The following MADD variants were observed in gnomAD, a reference collection of about 807,000 sequenced individuals.
The protein encoded by MADD is MAP kinase-activating death domain protein.
A neutral mutation model predicts 176.7 loss-of-function variants in MADD; 109 were observed. The ratio of observed to expected loss-of-function variants is 0.62; its 90% CI spans 0.53 to 0.72. The LOEUF is 0.72. Ranked by LOEUF, MADD falls within the 30% of genes least tolerant of loss-of-function variation. The probability of loss-of-function intolerance (pLI) is 0.00; values close to 1 mark genes in which losing one functional copy is unlikely to be tolerated. For synonymous variants in MADD, 771 were observed against 771.3 expected, an observed-to-expected ratio of 1.00 and a Z score of 0.01; for missense variants, 1,914 against 2,045.5, an observed-to-expected ratio of 0.94 and a Z score of 1.24.
At chr11:47,323,693 T>C (rs1244216367) in exon 28 of MADD, 2 of 1,613,584 alleles carry the variant, frequency 1.2e-6, no homozygotes, top group South Asian at 1.1e-5. Context: ...TGTGTGGTGT[T>C]GCGTAGTAAC....
intron 13 of MADD, 115 bp downstream of exon 13, chr11:47,285,309 A>AT: frequency 2.6e-6 from 4 of 1,552,198 alleles, no homozygotes; most frequent in Non-Finnish European, 3.5e-6. Context: ...TGGTCCTGCC[A>AT]TCCCCAGAGG....
intron 7 of MADD, among the ~76,000 whole-genome samples, chr11:47,279,378 AGTCT>A (rs2053978896): frequency 1.5e-5 from 2 of 135,528 alleles, no homozygotes; most frequent in Admixed American, 1.5e-4. Context: ...ACATTTTCTC[AGTCT>A]TTTTTTTTTT....
At chr11:47,283,021 T>C in intron 10 of MADD, 52 bp downstream of exon 10, 1 of 1,573,934 alleles carries the variant, frequency 6.4e-7, no homozygotes, top group African/African-American at 1.3e-5. Flanking sequence ...AGGCTCTCAC[T>C]AGCCCTTCTT....
intron 26 of MADD, among the ~76,000 whole-genome samples, chr11:47,312,589 C>T (rs1330914740): frequency 6.6e-6 from 1 of 152,186 alleles, no homozygotes; most frequent in Non-Finnish European, 1.5e-5. Context: ...GCATGCACCA[C>T]CACGCCCAGC....
Position 47,328,639 on chromosome 11 carries a change from C to G in MADD, c.4613-19C>G, listed in dbSNP as rs992905007. On this transcript the variant is annotated intron_variant, in intron 31 of 32. Transcript: ENST00000402192. ...TAGTGTTGAACTTTCTGTTTTGTCT[C>G]TTGCCCGTCCGGTTTTAGTTCCTGA... 2 of 1,614,216 alleles carry G rather than the reference C, an allele frequency of 1.2e-6. No homozygotes were observed. The highest frequency in any genetic ancestry group is 2.7e-5 in the African/African-American group (2 of 75,064).
chr11:47,303,479 C>G (rs1040771161), intron 22 of MADD, among the ~76,000 whole-genome samples: 1 of 152,090 alleles, frequency 6.6e-6, no homozygotes, highest in African/African-American at 2.4e-5. Context: ...ACCTCGTGAT[C>G]TGCCTGCCTC....
chr11:47,300,455 CCG>C (rs1491290505), intron 22 of MADD, among the ~76,000 whole-genome samples: 33 of 128,848 alleles, frequency 2.6e-4, no homozygotes, highest in East Asian at 2.2e-3. Flanking sequence ...GATCTACCCC[CCG>C]CCCGCCCCAA....
intron 30 of MADD, among the ~76,000 whole-genome samples, 200 bp from the exon 34 acceptor site, chr11:47,326,344 C>T (rs2095457944): frequency 6.6e-6 from 1 of 152,226 alleles, no homozygotes; most frequent in African/African-American, 2.4e-5. Flanking sequence ...CGTGCCAGCC[C>T]TCTGCGCCGG....
intron 22 of MADD, among the ~76,000 whole-genome samples, chr11:47,303,647 C>A (rs2079948940): frequency 1.3e-5 from 2 of 150,292 alleles, no homozygotes; most frequent in South Asian, 2.1e-4. Context: ...ACTCTGTCAC[C>A]CAGGCTGGAG....
At chr11:47,310,847 C>A (rs1202314273) in intron 25 of MADD, among the ~76,000 whole-genome samples, 2 of 146,592 alleles carry the variant, frequency 1.4e-5, no homozygotes, top group Non-Finnish European at 3.0e-5. Flanking sequence ...AAGGAGGTTG[C>A]AGTGAGCCGA....
At chr11:47,300,357 C>T (rs1157135917) in intron 22 of MADD, among the ~76,000 whole-genome samples, 7 of 151,800 alleles carry the variant, frequency 4.6e-5, no homozygotes, top group Admixed American at 6.6e-5. Flanking sequence ...CAGGCGCCCA[C>T]GACCACGCCT....
At chr11:47,309,636 A>G (rs773730441) in intron 25 of MADD, 24 bp downstream of exon 28, 1 of 1,568,222 alleles carries the variant, frequency 6.4e-7, no homozygotes, top group East Asian at 2.2e-5. Context: ...TGCTGTGTCC[A>G]GCTCCGCTGA....
chr11:47,323,217 A>G lies in MADD; in HGVS notation c.4198-454A>G, dbSNP rs190484826. On this transcript the variant is annotated intron_variant, in intron 27 of 32. Coordinates refer to ENST00000402192, the Ensembl canonical transcript of MADD. ...TGCACCACTGCACTCCAGCCTGGGC[A>G]ACAGAGTGGGACTCCATCTCAAAAA... Among the ~76,000 whole-genome samples the G allele has an allele frequency of 4.0e-4, 60 of 150,462 alleles. 1 individual carries two copies. In the East Asian group the frequency reaches 0.011, roughly 28 times the overall value.
Position 47,275,912 on chromosome 11 carries a change from C to T in MADD, c.673C>T (p.Arg225Trp), listed in dbSNP as rs1357864232. Residue 225 changes from arginine (R) to tryptophan (W), a missense_variant, in exon 4 of 33, where the codon CGG (arginine) becomes TGG (tryptophan). Physicochemically the swap from Arg to Trp is moderately radical, Grantham distance 101. This residue lies in a region of MADD where 1,767 missense variants were observed against 1,836.0 expected (regional missense o/e 0.96). Coordinates refer to ENST00000402192, the Ensembl canonical transcript of MADD. Reference sequence around the variant, plus strand: ...TCTGCTTCTCAGGGACACCATGTGGCGGATCTTTACTGGATCGCTGCTGGT... The same window carrying T: ...TCTGCTTCTCAGGGACACCATGTGGTGGATCTTTACTGGATCGCTGCTGGT... The T allele has an allele frequency of 1.3e-5, 21 of 1,607,598 alleles. No individual in the cohort carries two copies. Among genetic ancestry groups the T allele is most frequent in the East Asian group, 6.7e-5 (3 of 44,742 alleles).
chr11:47,322,064 C>A (rs1194740589), intron 27 of MADD, among the ~76,000 whole-genome samples: 1 of 152,076 alleles, frequency 6.6e-6, no homozygotes, highest in Admixed American at 6.6e-5. Flanking sequence ...AGGGTACTTT[C>A]TGTGTGCCTG....
At chr11:47,301,810 G>A (rs1179690869) in intron 22 of MADD, among the ~76,000 whole-genome samples, 2 of 152,168 alleles carry the variant, frequency 1.3e-5, no homozygotes, top group South Asian at 2.1e-4. Flanking sequence ...GATACTTGCT[G>A]TGATTTCAGT....
chr11:47,321,055 T>C (rs1370581726), intron 27 of MADD, among the ~76,000 whole-genome samples: 1 of 152,224 alleles, frequency 6.6e-6, no homozygotes, highest in Non-Finnish European at 1.5e-5. Flanking sequence ...ACGTTTAAAA[T>C]TTCGGTAGAT....
At chr11:47,294,614 G>A (rs759711519) in intron 20 of MADD, among the ~76,000 whole-genome samples, 49 of 139,700 alleles carry the variant, frequency 3.5e-4, no homozygotes, top group Non-Finnish European at 6.3e-4. Flanking sequence ...AGGTTGCAGC[G>A]AGCTGAGATT....
intron 27 of MADD, among the ~76,000 whole-genome samples, chr11:47,317,957 A>AT (rs918533125): frequency 2.0e-5 from 3 of 151,986 alleles, no homozygotes; most frequent in African/African-American, 7.3e-5. Context: ...TTTAGTAGAG[A>AT]TGGGGTTTTA....
Sources: gnomAD v4.1 joint callset for allele counts (sites outside exome capture counted in the v4.1 genomes callset) on GRCh38, gnomAD v4.1.1 for gene constraint, gnomAD v4.1.1 regional missense constraint, MANE v1.5 for transcripts, NCBI Gene and HGNC (gene_info 2026-07-23, HGNC 2026-07-21) for gene names.